Variants in CSMD2 observed in about 807,000 individuals in gnomAD.
The protein encoded by CSMD2 is CUB and Sushi multiple domains 2.
A neutral mutation model predicts 398.5 loss-of-function variants in CSMD2; 130 were observed. That is an observed-to-expected ratio of 0.33 (90% confidence interval 0.28 to 0.38). CSMD2 has a LOEUF of 0.38. CSMD2 is among the 10% of genes least tolerant of loss of function. The pLI is 1.00. For synonymous variants in CSMD2, 1,828 were observed against 1,908.5 expected, an observed-to-expected ratio of 0.96 and a Z score of 1.10; for missense variants, 3,829 against 4,764.9, an observed-to-expected ratio of 0.80 and a Z score of 5.78.
rs201286217 is a variant in CSMD2 at position 33,810,724 on chromosome 1, C to A, written c.1446+19G>T. On this transcript the variant is annotated intron_variant, in intron 10 of 70. Transcript: ENST00000373381. Reference sequence around the variant, plus strand: ...TAGCCCTGCCCACAGAACACCACCCCGCTCCCCAAGAGGCTTACCTTGGAG... The same window carrying A: ...TAGCCCTGCCCACAGAACACCACCCAGCTCCCCAAGAGGCTTACCTTGGAG... The A allele has an allele frequency of 1.9e-5, 31 of 1,611,442 alleles. No homozygotes were observed. The Middle Eastern group carries it at 5.4e-4, about 28-fold the overall frequency.
At chr1:33,847,020 G>T (rs1267554596) in intron 5 of CSMD2, 24 bp from the exon 6 acceptor site, 5 of 1,537,984 alleles carry the variant, frequency 3.3e-6, no homozygotes, top group Admixed American at 1.7e-5. Flanking sequence ...AAGCAGATGG[G>T]CTCAGGGACC....
At chr1:34,153,779 T>C (rs1177925715) in intron 1 of CSMD2, among the ~76,000 whole-genome samples, 1 of 152,204 alleles carries the variant, frequency 6.6e-6, no homozygotes, top group East Asian at 1.9e-4. Flanking sequence ...CAGAGCCCTC[T>C]ATACAGAGAG....
chr1:33,622,751 G>T (rs1641855134), intron 36 of CSMD2, among the ~76,000 whole-genome samples: 1 of 152,168 alleles, frequency 6.6e-6, no homozygotes, highest in African/African-American at 2.4e-5. Context: ...TGGCAAAATG[G>T]TGTTGCCACT....
intron 1 of CSMD2, among the ~76,000 whole-genome samples, chr1:34,159,335 C>A (rs549099264): frequency 3.1e-4 from 25 of 81,054 alleles, no homozygotes; most frequent in Admixed American, 1.7e-3. Flanking sequence ...CCTGCCCCCC[C>A]CCCACCCAGG....
chr1:33,739,464 C>CG, intron 14 of CSMD2, 130 bp from the exon 15 acceptor site: 1 of 868,882 alleles, frequency 1.2e-6, no homozygotes, highest in South Asian at 1.9e-5. Context: ...GCCATGTTGG[C>CG]GGGAGAGCTA....
chr1:34,025,486 G>GT (rs906172735), intron 3 of CSMD2, among the ~76,000 whole-genome samples: 6 of 152,250 alleles, frequency 3.9e-5, no homozygotes, highest in South Asian at 2.1e-4. Flanking sequence ...TCTCTGGGCT[G>GT]TTTTTTTAGG....
intron 5 of CSMD2, among the ~76,000 whole-genome samples, chr1:33,889,389 A>G (rs187867610): frequency 6.6e-6 from 1 of 152,328 alleles, no homozygotes; most frequent in East Asian, 1.9e-4. Context: ...CAAAACTTTA[A>G]TTTGGAAAAG....
At chr1:34,149,422 C>G (rs1282512412) in intron 1 of CSMD2, among the ~76,000 whole-genome samples, 2 of 152,310 alleles carry the variant, frequency 1.3e-5, no homozygotes, top group South Asian at 2.1e-4. Context: ...AGCTGCCCCC[C>G]ACCAACAGGC....
chr1:33,909,974 C>G (rs1643357472), intron 5 of CSMD2, among the ~76,000 whole-genome samples: 1 of 152,190 alleles, frequency 6.6e-6, no homozygotes, highest in Admixed American at 6.5e-5. Context: ...GTGTTCCTCT[C>G]TTCAATACAT....
chr1:33,766,063 G>A (rs969682402), intron 13 of CSMD2, among the ~76,000 whole-genome samples: 1 of 152,180 alleles, frequency 6.6e-6, no homozygotes, highest in Admixed American at 6.5e-5. Context: ...CTACCCAGCA[G>A]TCTGTCTCCA....
At chr1:34,138,035 C>T (rs993868128) in intron 1 of CSMD2, among the ~76,000 whole-genome samples, 2 of 152,126 alleles carry the variant, frequency 1.3e-5, no homozygotes, top group African/African-American at 4.8e-5. Flanking sequence ...AGAAAACATC[C>T]CATTTTCTGA....
chr1:33,974,089 G>A (rs868211142), intron 3 of CSMD2, among the ~76,000 whole-genome samples: 1 of 152,216 alleles, frequency 6.6e-6, no homozygotes, highest in African/African-American at 2.4e-5. Flanking sequence ...CTTAAGGGCA[G>A]CTTGTAAGTC....
At chr1:33,821,934 A>G (rs1434222150) in intron 7 of CSMD2, among the ~76,000 whole-genome samples, 1 of 152,188 alleles carries the variant, frequency 6.6e-6, no homozygotes, top group East Asian at 1.9e-4. Context: ...GGAAACCTGG[A>G]AAGAGAATGC....
At chr1:33,850,985 T>C (rs754690515) in intron 5 of CSMD2, among the ~76,000 whole-genome samples, 1 of 152,176 alleles carries the variant, frequency 6.6e-6, no homozygotes, top group Non-Finnish European at 1.5e-5. Flanking sequence ...AGTCGGGATG[T>C]TGGGGAGCTG....
intron 65 of CSMD2, among the ~76,000 whole-genome samples, chr1:33,525,845 C>T (rs1857023): frequency 0.64 from 97,198 of 151,680 alleles, 31,349 homozygotes; most frequent in East Asian, 0.74. Context: ...CCACCATGCC[C>T]GGCTAATTTT....
intron 2 of CSMD2, among the ~76,000 whole-genome samples, chr1:34,077,276 T>C (rs1484155697): frequency 1.3e-5 from 2 of 150,634 alleles, no homozygotes; most frequent in Admixed American, 6.6e-5. Context: ...GCTAACACGG[T>C]GAATCCCCGT....
chr1:33,572,900 A>C (rs1659725073), intron 49 of CSMD2, among the ~76,000 whole-genome samples: 1 of 152,106 alleles, frequency 6.6e-6, no homozygotes, highest in Non-Finnish European at 1.5e-5. Context: ...GAATAAAGAT[A>C]GAAGTGCAAA....
intron 58 of CSMD2, 60 bp from the exon 59 acceptor site, chr1:33,541,369 T>G: frequency 4.8e-6 from 6 of 1,259,080 alleles, no homozygotes; most frequent in Non-Finnish European, 6.9e-6. Context: ...TCTCCTCCAA[T>G]ACCATCCCTA....
In CSMD2 at chr1:33,615,109, G is replaced by T. The variant is rs903235179; in HGVS notation, c.6017-489C>A. Among the ~76,000 whole-genome samples, 10 of 152,302 alleles carry T rather than the reference G, an allele frequency of 6.6e-5. No homozygotes were observed. The East Asian group carries it at 1.9e-3, about 29-fold the overall frequency. ...TCTTCTCAAATATATATTTCAGGGG[G>T]CAGGGTGGGCGGCAGGGGAGGCTCA... On this transcript the variant is annotated intron_variant, in intron 39 of 70. Coordinates refer to ENST00000373381, the MANE Select transcript of CSMD2 (RefSeq NM_001281956.2).
Sources: allele counts gnomAD v4.1 joint callset (sites outside exome capture counted in the v4.1 genomes callset), GRCh38; gene constraint gnomAD v4.1.1; transcripts MANE v1.5; gene names NCBI Gene and HGNC (gene_info 2026-07-23, HGNC 2026-07-21).